The following DRGX variants were observed in gnomAD, a reference collection of about 807,000 sequenced individuals.
The protein encoded by DRGX is dorsal root ganglia homeobox.
Under a neutral mutation model 28.6 loss-of-function variants are expected in DRGX, and 21 were observed. That is an observed-to-expected ratio of 0.73 (90% CI 0.52 to 1.06). DRGX has a LOEUF of 1.06. Ranked by LOEUF, DRGX falls within the 50% of genes least tolerant of loss-of-function variation. The pLI is 0.00. For synonymous variants in DRGX, 136 were observed against 139.1 expected (o/e 0.98, Z 0.16); for missense variants, 354 against 343.9 (o/e 1.03, Z -0.23).
chr10:49,386,561 G>T lies in DRGX; in HGVS notation c.443C>A (p.Pro148His), dbSNP rs745937773. 2 of 1,590,968 alleles carry T rather than the reference G, an allele frequency of 1.3e-6. No individual in the cohort carries two copies. The highest frequency in any genetic ancestry group is 1.8e-5 in the Admixed American group (1 of 56,294). ...SLGRTVGPAGPFFPSCLPGTL... is the reference protein window; with the variant it reads ...SLGRTVGPAGHFFPSCLPGTL... ...CCCCGGCAAGCAGGAGGGGAAGAAA[G>T]GCCCTGCAGGACCTACCGTTCGCCC... Residue 148 changes from proline to histidine, a missense_variant, in exon 6 of 7, where the codon CCT (proline) becomes CAT (histidine). Coordinates refer to ENST00000374139, the MANE Select transcript of DRGX (RefSeq NM_001276451.2).
chr10:49,395,719 G>A (rs1188117117), intron 1 of DRGX, among the ~76,000 whole-genome samples, 198 bp from the exon 2 acceptor site: 2 of 152,186 alleles, frequency 1.3e-5, no homozygotes, highest in South Asian at 2.1e-4. Flanking sequence ...TCCACCTCCC[G>A]GACGGCCGTG....
intron 3 of DRGX, among the ~76,000 whole-genome samples, chr10:49,390,770 G>T (rs1277637809): frequency 6.6e-6 from 1 of 152,078 alleles, no homozygotes; most frequent in Non-Finnish European, 1.5e-5. Flanking sequence ...CCTTCCACTT[G>T]TGGGCAACTA....
chr10:49,376,108 T>C (rs1447514214), intron 6 of DRGX, among the ~76,000 whole-genome samples: 1 of 152,196 alleles, frequency 6.6e-6, no homozygotes, highest in Admixed American at 6.5e-5. Flanking sequence ...CCCAGGTCCC[T>C]GAATTGTTGT....
At chr10:49,371,745 T>A (rs183829726) in intron 6 of DRGX, among the ~76,000 whole-genome samples, 117 of 128,122 alleles carry the variant, frequency 9.1e-4, no homozygotes, top group Admixed American at 4.2e-3. Context: ...TGAACTGAGA[T>A]CATGCCACTG....
Position 49,365,489 on chromosome 10 carries a change from A to T in DRGX, c.*627T>A, listed in dbSNP as rs531066924. ...CCCCCCGGCCAGATGTGCCAGTGAG[A>T]TCTCCTGGGTCAGAGCCACCGTGGT... On this transcript the variant is annotated 3_prime_UTR_variant, in exon 7 of 7. Coordinates refer to ENST00000374139, the MANE Select transcript of DRGX (RefSeq NM_001276451.2). 6.6e-6 allele frequency: 1 copy of T among 152,330 alleles called. No individual in the cohort carries two copies. Among genetic ancestry groups the T allele is most frequent in the South Asian group, 2.1e-4 (1 of 4,814 alleles). The allele number at this position is 152,330 out of a possible 1,614,324, so 9.4% of individuals were successfully genotyped here.
Position 49,386,578 on chromosome 10 carries a change from C to G in DRGX, c.426G>C (p.Thr142=). 2 of 1,592,716 alleles carry G rather than the reference C, an allele frequency of 1.3e-6. No individual in the cohort carries two copies. Among genetic ancestry groups the G allele is most frequent in the Middle Eastern group, 1.7e-4 (1 of 6,036 alleles). The change falls in exon 6 of 7, where the codon ACG becomes ACC. Residue 142 remains threonine, a synonymous_variant. Transcript: ENST00000374139. ...ALEAQQSLGR[T]VGPAGPFFPS... ...GGAAGAAAGGCCCTGCAGGACCTACCGTTCGCCCCAGGCTGGCAAAGGAAG... is the reference window on the plus strand; with the variant it reads ...GGAAGAAAGGCCCTGCAGGACCTACGGTTCGCCCCAGGCTGGCAAAGGAAG...
chr10:49,364,361 C>T lies in DRGX; in HGVS notation c.*1755G>A, dbSNP rs566158333. On this transcript the variant is annotated 3_prime_UTR_variant, in exon 7 of 7. Transcript: ENST00000374139. ...GTAGTTTACTTAATTGTGTTATTGACGATCAAAAGTAATTTCCTGAAAGTC... is the reference window on the plus strand; with the variant it reads ...GTAGTTTACTTAATTGTGTTATTGATGATCAAAAGTAATTTCCTGAAAGTC... 3.3e-5 allele frequency: 5 copies of T among 152,300 alleles called. No homozygotes were observed. Among genetic ancestry groups the T allele is most frequent in the South Asian group, 4.1e-4 (2 of 4,830 alleles). The allele number at this position is 152,300 out of a possible 1,614,324, so 9.4% of individuals were successfully genotyped here. A position where few individuals can be genotyped will look rare whatever the true frequency, so the allele number is the denominator to read the frequency against.
At chr10:49,395,278 C>A in intron 2 of DRGX, 129 bp downstream of exon 2, 1 of 1,163,950 alleles carries the variant, frequency 8.6e-7, no homozygotes, top group Non-Finnish European at 1.2e-6. Flanking sequence ...AGGGAGGCCC[C>A]TACTCACCGG....
At chr10:49,385,457 T>C (rs2132481603) in intron 6 of DRGX, among the ~76,000 whole-genome samples, 1 of 152,242 alleles carries the variant, frequency 6.6e-6, no homozygotes, top group East Asian at 1.9e-4. Flanking sequence ...TCTTTGCATA[T>C]GCTGTTCCCT....
chr10:49,381,365 C>T (rs905478334), intron 6 of DRGX, among the ~76,000 whole-genome samples: 14 of 152,344 alleles, frequency 9.2e-5, no homozygotes, highest in South Asian at 4.1e-4. Context: ...TTCCCAAAAA[C>T]GGCTGCCATC....
chr10:49,390,125 A>G lies in DRGX; in HGVS notation c.234+8T>C. 6.3e-7 allele frequency: 1 copy of G among 1,598,800 alleles called. No homozygotes were observed. The highest frequency in any genetic ancestry group is 8.5e-7 in the Non-Finnish European group (1 of 1,173,358). On this transcript the variant is annotated splice_region_variant and intron_variant, in intron 4 of 6. Coordinates refer to ENST00000374139, the MANE Select transcript of DRGX (RefSeq NM_001276451.2). ...TTAGAGAGTTAAATAATTAAAAAGA[A>G]GGTTTACCTGCACTCTGGCTTCTGT...
intron 6 of DRGX, among the ~76,000 whole-genome samples, chr10:49,375,529 G>A (rs58181909): frequency 0.06 from 9,158 of 152,192 alleles, 785 homozygotes; most frequent in African/African-American, 0.19. Context: ...AGTTAATTTG[G>A]AAGGGGTTTT....
chr10:49,369,966 A>G (rs547870788), intron 6 of DRGX, among the ~76,000 whole-genome samples: 3 of 151,862 alleles, frequency 2.0e-5, no homozygotes, highest in East Asian at 3.9e-4. Flanking sequence ...GGCACTCTCA[A>G]CCCACCGCAC....
At chr10:49,380,111 G>A (rs1849758449) in intron 6 of DRGX, among the ~76,000 whole-genome samples, 1 of 152,192 alleles carries the variant, frequency 6.6e-6, no homozygotes, top group Non-Finnish European at 1.5e-5. Flanking sequence ...CTCCCACCTG[G>A]GAAGGTCAGC....
At chr10:49,390,643 T>C (rs1235568584) in intron 3 of DRGX, among the ~76,000 whole-genome samples, 1 of 152,116 alleles carries the variant, frequency 6.6e-6, no homozygotes, top group African/African-American at 2.4e-5. Context: ...CAAAACGCCA[T>C]AGGGATATTT....
intron 6 of DRGX, among the ~76,000 whole-genome samples, chr10:49,376,304 A>C (rs910247314): frequency 6.6e-6 from 1 of 152,146 alleles, no homozygotes; most frequent in Non-Finnish European, 1.5e-5. Context: ...GCCAGGGCTG[A>C]CCCAGCCACT....
chr10:49,380,756 G>T (rs1202001514), intron 6 of DRGX, among the ~76,000 whole-genome samples: 5 of 152,200 alleles, frequency 3.3e-5, no homozygotes, highest in Non-Finnish European at 7.3e-5. Context: ...ATAAAGTTCA[G>T]AGAAATGGGA....
At chr10:49,395,578 G>T in intron 1 of DRGX, 57 bp from the exon 2 acceptor site, 1 of 1,025,760 alleles carries the variant, frequency 9.7e-7, no homozygotes. Context: ...CTCCCGCCCA[G>T]CCCTAGGGCG....
intron 3 of DRGX, 59 bp downstream of exon 3, chr10:49,391,105 C>CT: frequency 6.4e-7 from 1 of 1,555,356 alleles, no homozygotes; most frequent in South Asian, 1.1e-5. Context: ...AGTTGCTCAA[C>CT]TTTGATTTGG....
Sources: allele counts gnomAD v4.1 joint callset (sites outside exome capture counted in the v4.1 genomes callset), GRCh38; gene constraint gnomAD v4.1.1; transcripts MANE v1.5; gene names NCBI Gene and HGNC (gene_info 2026-07-23, HGNC 2026-07-21).